Variants in MAEA observed in about 807,000 individuals in gnomAD.
MAEA encodes the protein macrophage erythroblast attacher, E3 ubiquitin ligase, also known as E3 ubiquitin-protein transferase MAEA.
MAEA carries 22 observed loss-of-function variants against 46.2 expected under a neutral mutation model. That is an observed-to-expected ratio of 0.48 (90% CI 0.34 to 0.68). The LOEUF (loss-of-function observed/expected upper bound fraction) is 0.68. Among genes scored for constraint, MAEA ranks in the 30% least tolerant of loss-of-function variants. MAEA has a pLI of 0.01. For synonymous variants in MAEA, 246 were observed against 222.6 expected (o/e 1.11, Z -0.94); for missense variants, 393 against 558.1 (o/e 0.70, Z 2.98).
At chr4:1,292,174 A>C (rs11727297) in intron 1 of MAEA, among the ~76,000 whole-genome samples, 111,333 of 152,086 alleles carry the variant, frequency 0.73, 41,982 homozygotes, top group African/African-American at 0.92. Context: ...TCTGAGAGCA[A>C]GTCCTCCTGC....
intron 1 of MAEA, among the ~76,000 whole-genome samples, chr4:1,305,342 G>A (rs1232845956): frequency 2.0e-5 from 3 of 152,178 alleles, no homozygotes; most frequent in Admixed American, 2.0e-4. Context: ...GCCTGCTTGT[G>A]CTGCTGTGCC....
intron 1 of MAEA, among the ~76,000 whole-genome samples, chr4:1,300,613 C>T (rs758014767): frequency 1.3e-5 from 2 of 152,258 alleles, no homozygotes; most frequent in African/African-American, 2.4e-5. Flanking sequence ...GCTGGGGCTG[C>T]GTGGCGTGCG....
intron 3 of MAEA, among the ~76,000 whole-genome samples, chr4:1,320,969 A>G (rs971938820): frequency 4.6e-5 from 7 of 152,120 alleles, no homozygotes; most frequent in African/African-American, 1.7e-4. Flanking sequence ...GCGTGGTGGC[A>G]GGCGCCTGTA....
At chr4:1,309,527 T>A in intron 1 of MAEA, 16 of 1,381,090 alleles carry the variant, frequency 1.2e-5, no homozygotes, top group Non-Finnish European at 1.5e-5. Flanking sequence ...GAGGGGGTGC[T>A]GCGCTCATCC....
rs1195041858 is a variant in MAEA, at chr4:1,329,161, T to TA, written c.656+1459dup. 7 of 985,628 alleles carry TA rather than the reference T, an allele frequency of 7.1e-6. No homozygotes were observed. In the East Asian group the frequency reaches 7.9e-4, roughly 112 times the overall value. 61.1% of individuals were successfully genotyped at this position (985,628 alleles called of 1,614,324 possible). ...TCCCTCCGTCACAGATGTCTTCATCTAGGTGGCAGCTGGTTCCGCATAGGG... is the reference window on the plus strand; with the variant it reads ...TCCCTCCGTCACAGATGTCTTCATCTAAGGTGGCAGCTGGTTCCGCATAGGG... On this transcript the variant is annotated intron_variant, in intron 5 of 8. Transcript: ENST00000303400.
intron 1 of MAEA, chr4:1,309,677 G>A (rs1345736245): frequency 6.5e-7 from 1 of 1,531,792 alleles, no homozygotes; most frequent in Non-Finnish European, 8.7e-7. Context: ...TGGCAGGGAG[G>A]TGGGGTCTTC....
At chr4:1,308,410 C>T (rs1206199935) in intron 1 of MAEA, among the ~76,000 whole-genome samples, 1 of 152,192 alleles carries the variant, frequency 6.6e-6, no homozygotes, top group African/African-American at 2.4e-5. Flanking sequence ...GCCATGAACA[C>T]AGGTGTGCAG....
chr4:1,338,155 G>A (rs772542455), intron 7 of MAEA: 6 of 430,152 alleles, frequency 1.4e-5, no homozygotes, highest in East Asian at 7.5e-5. Flanking sequence ...AGAGGGCGGC[G>A]GGCGACGGAG....
intron 1 of MAEA, among the ~76,000 whole-genome samples, chr4:1,305,141 G>A (rs1735707990): frequency 6.6e-6 from 1 of 150,880 alleles, no homozygotes; most frequent in African/African-American, 2.4e-5. Context: ...TTTTTTTGGT[G>A]GATCGTTAAG....
rs1399333763 is a variant in MAEA at position 1,311,167 on chromosome 4, C to T, written c.70-812C>T. ...GGCCCACTGCTCTTGGGCGGCAGCA[C>T]GGCCGTGTTGCTGATGCGCTGTGTG... On this transcript the variant is annotated intron_variant, in intron 1 of 8. Coordinates refer to ENST00000303400, the MANE Select transcript of MAEA (RefSeq NM_001017405.3). The surrounding 1 kb of genome is among the most constrained non-coding windows in gnomAD (Gnocchi z 4.4). Among the ~76,000 whole-genome samples, 1 of 152,246 alleles carries T rather than the reference C, an allele frequency of 6.6e-6. No individual in the cohort carries two copies. The highest frequency in any genetic ancestry group is 1.9e-4 in the East Asian group (1 of 5,192).
At position 1,289,964 on chromosome 4, in the gene MAEA, G is replaced by A. The variant is rs775180748; in HGVS notation, c.51G>A (p.Gln17=). 8.8e-6 allele frequency: 14 copies of A among 1,597,732 alleles called. No individual in the cohort carries two copies. Among genetic ancestry groups the A allele is most frequent in the Non-Finnish European group, 1.2e-5 (14 of 1,172,044 alleles). Residue 17 remains glutamine, a synonymous_variant, in exon 1 of 9, where the codon CAG becomes CAA. Coordinates refer to ENST00000303400, the MANE Select transcript of MAEA (RefSeq NM_001017405.3). ...AAQLSMTLKV[Q]EYPTLKVPYE... is the part of the protein sequence containing the mutation. ...AGTTGTCCATGACCCTGAAGGTCCA[G>A]GAGTACCCGACCCTCAAGGTGGGCG...
At chr4:1,314,894 C>T (rs557517388) in intron 2 of MAEA, among the ~76,000 whole-genome samples, 9 of 152,284 alleles carry the variant, frequency 5.9e-5, no homozygotes, top group Non-Finnish European at 7.4e-5. Context: ...AAATTTTTAG[C>T]GAAGAATTCA....
intron 1 of MAEA, among the ~76,000 whole-genome samples, chr4:1,308,548 G>A (rs916512252): frequency 2.6e-5 from 4 of 152,234 alleles, no homozygotes; most frequent in Admixed American, 1.3e-4. Context: ...GGCACTGCAC[G>A]CGTGTCCCGC....
intron 1 of MAEA, chr4:1,309,634 A>T (rs1428639625): frequency 2.6e-6 from 4 of 1,529,432 alleles, no homozygotes; most frequent in South Asian, 1.2e-5. Context: ...AGGCCTGAGG[A>T]GTAAGCGGCT....
intron 7 of MAEA, chr4:1,337,765 C>T: frequency 5.7e-6 from 1 of 175,004 alleles, no homozygotes; most frequent in Non-Finnish European, 1.2e-5. Flanking sequence ...CTCCGTCCTG[C>T]CTGTGACTCA....
chr4:1,325,988 C>T (rs991659542), intron 4 of MAEA, among the ~76,000 whole-genome samples: 2 of 152,162 alleles, frequency 1.3e-5, no homozygotes, highest in East Asian at 1.9e-4. Flanking sequence ...GCTGAGGGTA[C>T]AGGGCAGAGG....
chr4:1,338,029 T>G, intron 7 of MAEA: 1 of 201,810 alleles, frequency 5.0e-6, no homozygotes, highest in African/African-American at 2.3e-5. Flanking sequence ...TGTCCCCTCT[T>G]TGTGGAACTC....
intron 4 of MAEA, among the ~76,000 whole-genome samples, chr4:1,325,630 C>T (rs576791097): frequency 6.7e-4 from 102 of 152,352 alleles, no homozygotes; most frequent in Non-Finnish European, 1.2e-3. Flanking sequence ...CGGCACTCGC[C>T]TGCTCTAGAC....
chr4:1,303,266 G>A (rs932938583), intron 1 of MAEA, among the ~76,000 whole-genome samples: 1 of 148,956 alleles, frequency 6.7e-6, no homozygotes, highest in Non-Finnish European at 1.5e-5. Flanking sequence ...GCCGGTCATG[G>A]TGGCGTGCAC....
Sources: allele counts gnomAD v4.1 joint callset (sites outside exome capture counted in the v4.1 genomes callset), GRCh38; gene constraint gnomAD v4.1.1; non-coding constraint Gnocchi (gnomAD v3.1); transcripts MANE v1.5; gene names NCBI Gene and HGNC (gene_info 2026-07-23, HGNC 2026-07-21).